M1AP: variants seen among roughly 807,000 people sequenced by gnomAD.
The protein encoded by M1AP is meiosis 1 associated protein, also known as meiosis 1 arrest protein.
In M1AP, 39 loss-of-function variants were observed where a neutral mutation model predicts 51.2. That is an observed-to-expected ratio of 0.76 (90% confidence interval 0.59 to 1.00). The LOEUF (loss-of-function observed/expected upper bound fraction) is 1.00, where lower values mean the gene tolerates loss of function less well. Ranked by LOEUF, M1AP falls within the 50% of genes least tolerant of loss-of-function variation. The pLI, the probability that M1AP is intolerant of heterozygous loss-of-function variation, is 0.00. For missense variants in M1AP, 545 were observed against 641.2 expected (o/e 0.85, Z 1.62); for synonymous variants, 251 against 249.2 (o/e 1.01, Z -0.07).
Position 74,560,309 on chromosome 2 carries a change from G to C in M1AP, c.1282-18C>G, listed in dbSNP as rs1217750749. On this transcript the variant is annotated intron_variant, in intron 8 of 10. Transcript: ENST00000421985. ...AGCATGCTCTGAGGAAAAGAGAGGA[G>C]GGGCCTCACTAGGGAACTTAAGATC... 1 of 1,573,484 alleles carries C rather than the reference G, an allele frequency of 6.4e-7. No individual in the cohort carries two copies. Among genetic ancestry groups the C allele is most frequent in the Admixed American group, 1.9e-5 (1 of 52,402 alleles).
intron 1 of M1AP, among the ~76,000 whole-genome samples, chr2:74,644,834 G>A (rs1030018140): frequency 6.6e-6 from 1 of 152,104 alleles, no homozygotes; most frequent in African/African-American, 2.4e-5. Flanking sequence ...ATTTCTACAT[G>A]GAATGCTGAA....
chr2:74,575,526 A>G lies in M1AP; in HGVS notation c.986T>C (p.Ile329Thr). ...CTGCCAACAGCTTGTAGGTCTGAGGATGAACGGGAGTCCATATGTCAATGA... is the reference window on the plus strand; with the variant it reads ...CTGCCAACAGCTTGTAGGTCTGAGGGTGAACGGGAGTCCATATGTCAATGA... Reference protein sequence around the residue: ...CESLTYGLPFILRPTSCWQLD... With the variant: ...CESLTYGLPFTLRPTSCWQLD... The change falls in exon 7 of 11, where the codon ATC (isoleucine) becomes ACC (threonine). Residue 329 changes from isoleucine to threonine, a missense_variant. By Grantham distance (89) the Ile-to-Thr change is moderately conservative. Transcript: ENST00000421985. 1 of 1,614,172 alleles carries G rather than the reference A, an allele frequency of 6.2e-7. No homozygotes were observed. Among genetic ancestry groups the G allele is most frequent in the Non-Finnish European group, 8.5e-7 (1 of 1,180,020 alleles).
rs529575060 is a variant in M1AP at position 74,568,499 on chromosome 2, G to T, written c.1075-6076C>A. 1.3e-3 allele frequency among the ~76,000 whole-genome samples: 203 copies of T among 152,302 alleles called. 3 individuals carry two copies. The South Asian group carries it at 0.041, about 31-fold the overall frequency. On this transcript the variant is annotated intron_variant, in intron 7 of 10. Coordinates refer to ENST00000421985, the MANE Select transcript of M1AP (RefSeq NM_001321739.2). ...CTGGGACAGAGGGCATGGTGGTAGT[G>T]GTGGTTGGAGAAGCTGAGAATCCAA...
chr2:74,581,990 A>G (rs1679435304), intron 4 of M1AP, 143 bp from the exon 5 acceptor site: 1 of 682,364 alleles, frequency 1.5e-6, no homozygotes, highest in Admixed American at 2.9e-5. Context: ...ATTCACATGC[A>G]CAATCATTGC....
chr2:74,604,503 T>C (rs767458119), intron 4 of M1AP, among the ~76,000 whole-genome samples: 3 of 152,198 alleles, frequency 2.0e-5, no homozygotes, highest in African/African-American at 4.8e-5. Context: ...CAGTTCACAA[T>C]AGGGTTTGCT....
intron 5 of M1AP, among the ~76,000 whole-genome samples, chr2:74,581,060 A>T (rs1219344390): frequency 1.3e-5 from 2 of 152,108 alleles, no homozygotes; most frequent in African/African-American, 4.8e-5. Context: ...ATGAAGTATA[A>T]TTGCCAGGCA....
chr2:74,580,223 G>A (rs1255629375), intron 5 of M1AP, among the ~76,000 whole-genome samples: 1 of 152,162 alleles, frequency 6.6e-6, no homozygotes, highest in Non-Finnish European at 1.5e-5. Context: ...AGATAAAATG[G>A]GATAATGCAA....
At chr2:74,575,202 C>T in intron 7 of M1AP, 1 of 754,256 alleles carries the variant, frequency 1.3e-6, no homozygotes, top group Non-Finnish European at 1.6e-6. Context: ...TTAAGCTTGC[C>T]AATCGGGGAT....
chr2:74,645,329 C>T (rs964207301), intron 1 of M1AP, among the ~76,000 whole-genome samples: 9 of 152,136 alleles, frequency 5.9e-5, no homozygotes, highest in African/African-American at 9.7e-5. Flanking sequence ...CGCCAGGGTC[C>T]GCGGCTTCAT....
At chr2:74,645,195 A>G (rs926665679) in intron 1 of M1AP, among the ~76,000 whole-genome samples, 1 of 152,142 alleles carries the variant, frequency 6.6e-6, no homozygotes, top group Non-Finnish European at 1.5e-5. Flanking sequence ...CTCACTGCAA[A>G]GGTCTGCAGC....
At chr2:74,619,227 G>C (rs1681858981) in intron 2 of M1AP, 1 of 185,360 alleles carries the variant, frequency 5.4e-6, no homozygotes, top group Non-Finnish European at 1.2e-5. Flanking sequence ...TTCTGGGAAA[G>C]ATGAAGATGG....
At chr2:74,593,858 T>G (rs1680181475) in intron 4 of M1AP, among the ~76,000 whole-genome samples, 1 of 152,200 alleles carries the variant, frequency 6.6e-6, no homozygotes, top group African/African-American at 2.4e-5. Flanking sequence ...AGCTAAAAAT[T>G]GGAAAGAAAA....
At chr2:74,587,213 TTTTGAGACGGAGTCTCGC>T (rs1679763933) in intron 4 of M1AP, among the ~76,000 whole-genome samples, 11 of 152,074 alleles carry the variant, frequency 7.2e-5, no homozygotes, top group Admixed American at 7.2e-4. Flanking sequence ...TTCTTTTTTC[TTTTGAGACGGAGTCTCGC>T]TCTGTCCCCC....
rs116456116 is a variant in M1AP at position 74,620,003 on chromosome 2, C to T, written c.241-4854G>A. On this transcript the variant is annotated intron_variant, in intron 2 of 10. Transcript: ENST00000421985. ...ATTTTACTATATTTCTAGAGATTTA[C>T]GAAAAAATGTGAAAAATAAGAAAAT... Among the ~76,000 whole-genome samples the T allele has an allele frequency of 7.1e-3, 1,080 of 152,220 alleles. 15 individuals carry two copies. Among genetic ancestry groups the T allele is most frequent in the African/African-American group, 0.025 (1,027 of 41,524 alleles).
intron 4 of M1AP, among the ~76,000 whole-genome samples, chr2:74,599,169 G>T (rs1573120649): frequency 6.6e-6 from 1 of 152,016 alleles, no homozygotes; most frequent in African/African-American, 2.4e-5. Context: ...ATCCCAGCTA[G>T]TTGGGAGGCT....
intron 1 of M1AP, among the ~76,000 whole-genome samples, chr2:74,645,289 C>T (rs1459838366): frequency 2.6e-5 from 4 of 152,170 alleles, no homozygotes; most frequent in Non-Finnish European, 5.9e-5. Flanking sequence ...GAACAAACTC[C>T]GGACACACCA....
At chr2:74,639,982 C>G (rs908420605) in intron 2 of M1AP, 54 bp downstream of exon 2, 1 of 1,477,130 alleles carries the variant, frequency 6.8e-7, no homozygotes, top group Admixed American at 1.7e-5. Flanking sequence ...ATTCCAGAAA[C>G]CTTACCACTG....
intron 4 of M1AP, among the ~76,000 whole-genome samples, chr2:74,587,439 C>A (rs1039425918): frequency 2.0e-5 from 3 of 152,264 alleles, no homozygotes; most frequent in Middle Eastern, 3.4e-3. Flanking sequence ...ACCTCGTGAT[C>A]CACCTGCCTT....
chr2:74,580,700 G>A (rs983685341), intron 5 of M1AP, among the ~76,000 whole-genome samples: 1 of 152,160 alleles, frequency 6.6e-6, no homozygotes, highest in South Asian at 2.1e-4. Flanking sequence ...CAAAGGAGGC[G>A]GTAACCCCAG....
Sources: allele counts gnomAD v4.1 joint callset (sites outside exome capture counted in the v4.1 genomes callset), GRCh38; gene constraint gnomAD v4.1.1; transcripts MANE v1.5; gene names NCBI Gene and HGNC (gene_info 2026-07-23, HGNC 2026-07-21).